GOLPH3L: variants seen among roughly 807,000 people sequenced by gnomAD.
GOLPH3L encodes Golgi phosphoprotein 3-like.
GOLPH3L carries 22 observed loss-of-function variants against 30.3 expected under a neutral mutation model. The ratio of observed to expected loss-of-function variants is 0.73; its 90% CI spans 0.52 to 1.04. The LOEUF is 1.04. Among genes scored for constraint, GOLPH3L ranks in the 50% least tolerant of loss-of-function variants. GOLPH3L has a pLI of 0.00. For synonymous variants in GOLPH3L, 120 were observed against 128.2 expected (o/e 0.94, Z 0.43); for missense variants, 303 against 345.8 (o/e 0.88, Z 0.98).
At position 150,663,702 on chromosome 1, in the gene GOLPH3L, T is replaced by A; in HGVS notation, c.245A>T (p.Glu82Val). The A allele has an allele frequency of 6.2e-7, 1 of 1,613,584 alleles. No homozygotes were observed. Among genetic ancestry groups the A allele is most frequent in the Non-Finnish European group, 8.5e-7 (1 of 1,179,514 alleles). ...ATAGATTCGACCCCGCATGGCCAGC[T>A]CTATCAGGATGCCCCCTCGCAGGCC... is the stretch of plus-strand genomic sequence containing the variant. ...SSGLRGGILI[E>V]LAMRGRIYLE... Residue 82 changes from glutamate to valine, a missense_variant, in exon 3 of 5, where the codon GAG becomes GTG. By Grantham distance (121) the Glu-to-Val change is moderately radical. Coordinates refer to ENST00000271732, the MANE Select transcript of GOLPH3L (RefSeq NM_018178.6).
chr1:150,682,631 A>G (rs1650983493), intron 2 of GOLPH3L, among the ~76,000 whole-genome samples: 1 of 145,578 alleles, frequency 6.9e-6, no homozygotes, highest in Non-Finnish European at 1.5e-5. Context: ...CTCAAAAAAA[A>G]AAAAAAAAAA....
At chr1:150,650,773 G>A (rs1327024648) in intron 4 of GOLPH3L, among the ~76,000 whole-genome samples, 1 of 152,152 alleles carries the variant, frequency 6.6e-6, no homozygotes, top group Admixed American at 6.5e-5. Context: ...CTGCAGTGTA[G>A]TATCCAGAGT....
chr1:150,685,224 C>T (rs1651053476), intron 2 of GOLPH3L, among the ~76,000 whole-genome samples: 1 of 152,104 alleles, frequency 6.6e-6, no homozygotes, highest in African/African-American at 2.4e-5. Flanking sequence ...GTAGTATTTT[C>T]CCTTTTTCTG....
intron 2 of GOLPH3L, among the ~76,000 whole-genome samples, chr1:150,690,711 A>G (rs921124955): frequency 9.2e-5 from 14 of 152,186 alleles, no homozygotes; most frequent in African/African-American, 3.4e-4. Flanking sequence ...AGCTCATGAT[A>G]CCTTTGCTCA....
chr1:150,678,366 G>A (rs1650869874), intron 2 of GOLPH3L, among the ~76,000 whole-genome samples: 1 of 151,094 alleles, frequency 6.6e-6, no homozygotes, highest in African/African-American at 2.4e-5. Context: ...TAAGAGGTTG[G>A]GGTCATTTTT....
chr1:150,664,848 T>C (rs892727201), intron 2 of GOLPH3L, among the ~76,000 whole-genome samples: 1 of 152,184 alleles, frequency 6.6e-6, no homozygotes, highest in Non-Finnish European at 1.5e-5. Context: ...ATTGTCCTCA[T>C]CTATAAAATG....
In GOLPH3L at chr1:150,661,910, T is replaced by C; in HGVS notation, c.334A>G (p.Ser112Gly). The change falls in exon 4 of 5, where the codon AGC (serine) becomes GGC (glycine). Residue 112 changes from serine to glycine, a missense_variant. By Grantham distance (56) the Ser-to-Gly change is moderately conservative. Coordinates refer to ENST00000271732, the MANE Select transcript of GOLPH3L (RefSeq NM_018178.6). ...TCCAGTAAAACATCACCTGTTGGGC[T>C]GTCTGACTTTAGCAGTACCTTTGAG... ...LDRKVLLKSD[S>G]PTGDVLLDET... is the part of the protein sequence containing the mutation. 1.3e-6 allele frequency: 2 copies of C among 1,555,912 alleles called. No individual in the cohort carries two copies. Among genetic ancestry groups the C allele is most frequent in the South Asian group, 2.2e-5 (2 of 89,916 alleles).
intron 2 of GOLPH3L, among the ~76,000 whole-genome samples, chr1:150,673,231 C>A (rs889321940): frequency 2.0e-5 from 3 of 151,666 alleles, no homozygotes; most frequent in Non-Finnish European, 4.4e-5. Flanking sequence ...GTGACCTGGC[C>A]GGAAAGAGGA....
intron 2 of GOLPH3L, among the ~76,000 whole-genome samples, chr1:150,668,627 C>T (rs1380482901): frequency 2.0e-5 from 3 of 152,192 alleles, no homozygotes; most frequent in Non-Finnish European, 4.4e-5. Flanking sequence ...AAGTGGTATG[C>T]CCACCTCAGC....
rs587650846 is a variant in GOLPH3L, at chr1:150,658,321, G to C, written c.430+3493C>G. On this transcript the variant is annotated intron_variant, in intron 4 of 4. Transcript: ENST00000271732. ...GAGTAATTTAATGGTAGCTATGATA[G>C]TGGTGATCACCATTGCTGTGCGTAT... 1.1e-3 allele frequency among the ~76,000 whole-genome samples: 161 copies of C among 152,326 alleles called. 2 individuals carry two copies. The South Asian group carries it at 0.033, about 31-fold the overall frequency.
intron 4 of GOLPH3L, among the ~76,000 whole-genome samples, chr1:150,659,197 T>C (rs1289610541): frequency 6.6e-6 from 1 of 152,244 alleles, no homozygotes; most frequent in Non-Finnish European, 1.5e-5. Flanking sequence ...CCTTTGCTTT[T>C]ATTGCTTTGT....
At chr1:150,653,180 A>C (rs1464235974) in intron 4 of GOLPH3L, among the ~76,000 whole-genome samples, 1 of 149,814 alleles carries the variant, frequency 6.7e-6, no homozygotes, top group African/African-American at 2.4e-5. Flanking sequence ...AAAAACAAAA[A>C]AAAAAAAAAA....
At chr1:150,660,341 T>C (rs748449164) in intron 4 of GOLPH3L, among the ~76,000 whole-genome samples, 1 of 152,118 alleles carries the variant, frequency 6.6e-6, no homozygotes, top group African/African-American at 2.4e-5. Context: ...GGTGGGAATA[T>C]AAAATGGTGC....
rs182824360 is a variant in GOLPH3L, at chr1:150,652,735, T to A, written c.431-3987A>T. ...TTGTTGAGTTATAATTTTTAACTTT[T>A]TAAACTTTTGCGCAAGGTTATAACA... On this transcript the variant is annotated intron_variant, in intron 4 of 4. Transcript: ENST00000271732. Among the ~76,000 whole-genome samples the A allele has an allele frequency of 5.7e-3, 861 of 152,262 alleles. 2 individuals carry two copies. The highest frequency in any genetic ancestry group is 8.4e-3 in the Non-Finnish European group (572 of 68,024).
chr1:150,678,308 G>C (rs867336242), intron 2 of GOLPH3L, among the ~76,000 whole-genome samples: 1 of 70,986 alleles, frequency 1.4e-5, no homozygotes, highest in African/African-American at 4.7e-5. Flanking sequence ...AAAAAAAAAA[G>C]GACAAATGTC....
intron 2 of GOLPH3L, among the ~76,000 whole-genome samples, chr1:150,692,959 A>T (rs1321672064): frequency 1.3e-5 from 2 of 152,248 alleles, no homozygotes; most frequent in Non-Finnish European, 2.9e-5. Flanking sequence ...GGTAATGTGT[A>T]AACGTCTCAA....
rs1411334306 is a variant in GOLPH3L, at chr1:150,648,230, T to C, written c.*91A>G. 16 of 922,830 alleles carry C rather than the reference T, an allele frequency of 1.7e-5. No homozygotes were observed. Among genetic ancestry groups the C allele is most frequent in the Non-Finnish European group, 2.6e-5 (16 of 608,740 alleles). The allele number at this position is 922,830 out of a possible 1,614,324, so 57.2% of individuals were successfully genotyped here. On this transcript the variant is annotated 3_prime_UTR_variant, in exon 5 of 5. Coordinates refer to ENST00000271732, the MANE Select transcript of GOLPH3L (RefSeq NM_018178.6). ...CTGATTCAAGAAAAGGAAACAAAAA[T>C]GATGAAAACATCTCATCACACAAAA...
chr1:150,651,931 C>T (rs913586905), intron 4 of GOLPH3L, among the ~76,000 whole-genome samples: 5 of 151,972 alleles, frequency 3.3e-5, no homozygotes, highest in African/African-American at 9.7e-5. Context: ...TCTTGCCAAA[C>T]GTGATGAAAA....
chr1:150,689,417 CT>C (rs1260033446), intron 2 of GOLPH3L, among the ~76,000 whole-genome samples: 1 of 152,158 alleles, frequency 6.6e-6, no homozygotes, highest in Non-Finnish European at 1.5e-5. Context: ...TATATCAAAA[CT>C]CTTACCAAAG....
Sources: gnomAD v4.1 joint callset for allele counts (sites outside exome capture counted in the v4.1 genomes callset) on GRCh38, gnomAD v4.1.1 for gene constraint, MANE v1.5 for transcripts, NCBI Gene and HGNC (gene_info 2026-07-23, HGNC 2026-07-21) for gene names.